The following SLC13A5 variants were observed in gnomAD, a reference collection of about 807,000 sequenced individuals.
SLC13A5 encodes the protein Na(+)/citrate cotransporter.
Under a neutral mutation model 56.5 loss-of-function variants are expected in SLC13A5, and 25 were observed. The observed-to-expected ratio is 0.44, with a 90% CI of 0.32 to 0.62. The LOEUF (loss-of-function observed/expected upper bound fraction) is 0.62. SLC13A5 is among the 20% of genes least tolerant of loss of function. The pLI is 0.04. For missense variants in SLC13A5, 649 were observed against 737.8 expected (o/e 0.88, Z 1.39); for synonymous variants, 307 against 301.5 (o/e 1.02, Z -0.19).
chr17:6,695,930 G>A lies in SLC13A5; in HGVS notation c.851C>T (p.Ser284Phe). The A allele has an allele frequency of 6.2e-7, 1 of 1,613,836 alleles. No homozygotes were observed. The highest frequency in any genetic ancestry group is 8.5e-7 in the Non-Finnish European group (1 of 1,180,008). The change falls in exon 7 of 12, where the codon TCC becomes TTC. Residue 284 changes from serine (S) to phenylalanine (F), a missense_variant. Physicochemically the swap from Ser to Phe is radical, Grantham distance 155. Transcript: ENST00000433363. ...FVYMRFNFKK[S>F]WGCGLESKKN... ...CTTGCTCTCTAGCCCGCAGCCCCAG[G>A]ACTTTTTAAAACTGGAGAATGCAAA...
chr17:6,690,130 C>T (rs1434942863), intron 10 of SLC13A5: 3 of 127,940 alleles, frequency 2.3e-5, no homozygotes, highest in African/African-American at 8.4e-5. Flanking sequence ...GCTCTGCTTT[C>T]TTCTCACTCC....
At chr17:6,707,330 C>T (rs778863622) in intron 1 of SLC13A5, among the ~76,000 whole-genome samples, 174 bp from the exon 2 acceptor site, 2 of 152,172 alleles carry the variant, frequency 1.3e-5, no homozygotes, top group Middle Eastern at 3.2e-3. Context: ...CCGGGTCAGG[C>T]CAGGGATCTA....
Position 6,685,895 on chromosome 17 carries a change from G to T in SLC13A5, c.*312C>A. 2.7e-6 allele frequency: 1 copy of T among 363,704 alleles called. No individual in the cohort carries two copies. The highest frequency in any genetic ancestry group is 3.2e-5 in the South Asian group (1 of 31,402). The allele number at this position is 363,704 out of a possible 1,614,324, so 22.5% of individuals were successfully genotyped here. A position where few individuals can be genotyped will look rare whatever the true frequency, so the allele number is the denominator to read the frequency against. Reference sequence around the variant, plus strand: ...GTGGGGGATGCTTGAGGCAGAGCGGGTACAGCAGCCTGCATCCTGATCCCT... The same window carrying T: ...GTGGGGGATGCTTGAGGCAGAGCGGTTACAGCAGCCTGCATCCTGATCCCT... On this transcript the variant is annotated 3_prime_UTR_variant, in exon 12 of 12. Transcript: ENST00000433363. This position sits in a 1 kb window ranked among gnomAD's most constrained non-coding sequence, Gnocchi z 4.2.
rs151196092 is a variant in SLC13A5, at chr17:6,696,642, G to A, written c.840-701C>T. On this transcript the variant is annotated intron_variant, in intron 6 of 11. Coordinates refer to ENST00000433363, the MANE Select transcript of SLC13A5 (RefSeq NM_177550.5). ...GGAGGAGAGGAGGTTCTTGGAGGAG[G>A]TGTAAAGGGGAGCTCAGCTGTGGAG... Among the ~76,000 whole-genome samples the A allele has an allele frequency of 3.8e-3, 585 of 152,246 alleles. 3 individuals carry two copies. Among genetic ancestry groups the A allele is most frequent in the African/African-American group, 0.013 (524 of 41,522 alleles).
intron 6 of SLC13A5, 118 bp from the exon 7 acceptor site, chr17:6,696,059 G>T (rs1338553774): frequency 2.3e-6 from 2 of 868,060 alleles, no homozygotes; most frequent in Non-Finnish European, 3.6e-6. Context: ...TGCTGTCCTC[G>T]CCTGCTATGG....
Position 6,686,035 on chromosome 17 carries a change from T to C in SLC13A5, c.*172A>G, listed in dbSNP as rs1973236871. The C allele has an allele frequency of 2.2e-6, 2 of 898,350 alleles. No individual in the cohort carries two copies. The highest frequency in any genetic ancestry group is 3.4e-6 in the Non-Finnish European group (2 of 582,270). The allele number at this position is 898,350 out of a possible 1,614,324, so 55.6% of individuals were successfully genotyped here. A position where few individuals can be genotyped will look rare whatever the true frequency, so the allele number is the denominator to read the frequency against. On this transcript the variant is annotated 3_prime_UTR_variant, in exon 12 of 12. Coordinates refer to ENST00000433363, the MANE Select transcript of SLC13A5 (RefSeq NM_177550.5). ...CCTACCCTCCAGCTGCCCATGACCA[T>C]CTCTGCATCTGGGCTTGGAGGAAGA...
chr17:6,702,695 G>T (rs544412902), intron 5 of SLC13A5, among the ~76,000 whole-genome samples: 2 of 152,368 alleles, frequency 1.3e-5, no homozygotes, highest in East Asian at 3.9e-4. Context: ...CCCAGGGGAG[G>T]TGGTGGGTCT....
intron 6 of SLC13A5, among the ~76,000 whole-genome samples, chr17:6,698,310 C>T (rs899921416): frequency 3.9e-5 from 6 of 152,238 alleles, no homozygotes; most frequent in African/African-American, 1.4e-4. Flanking sequence ...TCAACAAAAG[C>T]TGATGAAGGC....
Position 6,706,645 on chromosome 17 carries a change from G to T in SLC13A5, c.365C>A (p.Ala122Glu), listed in dbSNP as rs543812415. ...RTLLWVGAKPARLMLGFMGVT... is the reference protein window; with the variant it reads ...RTLLWVGAKPERLMLGFMGVT... Reference sequence around the variant, plus strand: ...AAGAGAGAGAAGGCGTAATTACCGTGCAGGCTTGGCCCCCACCCAGAGGAG... The same window carrying T: ...AAGAGAGAGAAGGCGTAATTACCGTTCAGGCTTGGCCCCCACCCAGAGGAG... The change falls in exon 3 of 12, where the codon GCA becomes GAA. Residue 122 changes from alanine to glutamate, a missense_variant. Coordinates refer to ENST00000433363, the MANE Select transcript of SLC13A5 (RefSeq NM_177550.5). The T allele has an allele frequency of 5.0e-6, 8 of 1,613,428 alleles. No individual in the cohort carries two copies. In the South Asian group the frequency reaches 7.7e-5, roughly 16 times the overall value.
In SLC13A5 at chr17:6,695,892, C is replaced by T. The variant is rs1057524830; in HGVS notation, c.889G>A (p.Ala297Thr). 4.3e-6 allele frequency: 7 copies of T among 1,614,134 alleles called. No individual in the cohort carries two copies. The South Asian group carries it at 6.6e-5, about 15-fold the overall frequency. The change falls in exon 7 of 12, where the codon GCT becomes ACT. Residue 297 changes from alanine to threonine, a missense_variant. Ala to Thr is a moderately conservative substitution (Grantham distance 58). Coordinates refer to ENST00000433363, the MANE Select transcript of SLC13A5 (RefSeq NM_177550.5). ...TCCTCCTGCAGCACCTTGAGGGCAG[C>T]CTTCTCGTTTTTCTTGCTCTCTAGC... is the stretch of plus-strand genomic sequence containing the variant. ...CGLESKKNEK[A>T]ALKVLQEEYR...
intron 3 of SLC13A5, chr17:6,704,451 G>T: frequency 5.7e-6 from 2 of 350,340 alleles, no homozygotes; most frequent in Non-Finnish European, 1.1e-5. Context: ...ACCCCTATGT[G>T]CAGGCAGCCC....
At chr17:6,712,486 A>AG (rs1372272521) in intron 1 of SLC13A5, among the ~76,000 whole-genome samples, 1 of 152,198 alleles carries the variant, frequency 6.6e-6, no homozygotes, top group Non-Finnish European at 1.5e-5. Flanking sequence ...AGGGCCTGGG[A>AG]GGAAGCTTCC....
chr17:6,707,610 G>A (rs897337238), intron 1 of SLC13A5, among the ~76,000 whole-genome samples: 1 of 152,080 alleles, frequency 6.6e-6, no homozygotes, highest in Non-Finnish European at 1.5e-5. Context: ...AAAATACCTG[G>A]TTTTTTTGGT....
chr17:6,695,931 A>G lies in SLC13A5; in HGVS notation c.850T>C (p.Ser284Pro). 1 of 1,613,760 alleles carries G rather than the reference A, an allele frequency of 6.2e-7. No homozygotes were observed. The highest frequency in any genetic ancestry group is 8.5e-7 in the Non-Finnish European group (1 of 1,179,976). The change falls in exon 7 of 12, where the codon TCC becomes CCC. Residue 284 changes from serine to proline, a missense_variant. By Grantham distance (74) the Ser-to-Pro change is moderately conservative (BLOSUM62 -1). Transcript: ENST00000433363. ...TTGCTCTCTAGCCCGCAGCCCCAGG[A>G]CTTTTTAAAACTGGAGAATGCAAAG... ...FVYMRFNFKK[S>P]WGCGLESKKN...
intron 1 of SLC13A5, among the ~76,000 whole-genome samples, chr17:6,712,887 TA>T (rs1974077384): frequency 6.6e-6 from 1 of 152,206 alleles, no homozygotes; most frequent in African/African-American, 2.4e-5. Context: ...GAAACAGGGT[TA>T]TGCACTGTGG....
At position 6,685,269 on chromosome 17, in the gene SLC13A5, C is replaced by T. The variant is rs1233388443; in HGVS notation, c.*938G>A. On this transcript the variant is annotated 3_prime_UTR_variant, in exon 12 of 12. Transcript: ENST00000433363. This position sits in a 1 kb window ranked among gnomAD's most constrained non-coding sequence, Gnocchi z 4.2. Reference sequence around the variant, plus strand: ...CTCTGGGCCTCAGGTGAGGGAGGGCCTAGATAGCCCACTGTGGCCCCCAGA... The same window carrying T: ...CTCTGGGCCTCAGGTGAGGGAGGGCTTAGATAGCCCACTGTGGCCCCCAGA... The T allele has an allele frequency of 1.3e-5, 2 of 152,212 alleles. No individual in the cohort carries two copies. Among genetic ancestry groups the T allele is most frequent in the Non-Finnish European group, 2.9e-5 (2 of 68,046 alleles). 9.4% of individuals were successfully genotyped at this position (152,212 alleles called of 1,614,324 possible).
rs752728373 is a variant in SLC13A5 at position 6,713,353 on chromosome 17, C to G, written c.-20G>C. On this transcript the variant is annotated 5_prime_UTR_variant, in exon 1 of 12. Coordinates refer to ENST00000433363, the MANE Select transcript of SLC13A5 (RefSeq NM_177550.5). This position sits in a 1 kb window ranked among gnomAD's most constrained non-coding sequence, Gnocchi z 7.3. ...GGCCATCGCGCGGGAGGGAGACTGG[C>G]GGGCGAGACGAGTGAGGGGCAGCTA... The G allele has an allele frequency of 1.2e-6, 2 of 1,609,936 alleles. No homozygotes were observed. Among genetic ancestry groups the G allele is most frequent in the Non-Finnish European group, 1.7e-6 (2 of 1,177,406 alleles).
intron 6 of SLC13A5, among the ~76,000 whole-genome samples, chr17:6,697,087 T>G (rs1021644752): frequency 2.0e-5 from 3 of 152,152 alleles, no homozygotes; most frequent in Admixed American, 6.5e-5. Context: ...CCGTGTGTCC[T>G]GAGGGTCACC....
chr17:6,713,277 G>T lies in SLC13A5; in HGVS notation c.57C>A (p.Val19=). The change falls in exon 1 of 12, where the codon GTC becomes GTA. Residue 19 remains valine, a synonymous_variant. Coordinates refer to ENST00000433363, the MANE Select transcript of SLC13A5 (RefSeq NM_177550.5). The surrounding 1 kb of genome is among the most constrained non-coding windows in gnomAD (Gnocchi z 7.3). ...SKFKSFVILF[V]TPLLLLPLVI... ...CGAGTGGCAGCAGCAGGAGCGGGGT[G>T]ACGAACAAGATCACGAAGGACTTGA... is the stretch of plus-strand genomic sequence containing the variant. 6.2e-7 allele frequency: 1 copy of T among 1,614,032 alleles called. No homozygotes were observed. The highest frequency in any genetic ancestry group is 2.2e-5 in the East Asian group (1 of 44,866).
Sources: gnomAD v4.1 joint callset for allele counts (sites outside exome capture counted in the v4.1 genomes callset) on GRCh38, gnomAD v4.1.1 for gene constraint, Gnocchi (gnomAD v3.1) non-coding constraint, MANE v1.5 for transcripts, NCBI Gene and HGNC (gene_info 2026-07-23, HGNC 2026-07-21) for gene names.